COA1: variants seen among roughly 807,000 people sequenced by gnomAD.
COA1 encodes cytochrome c oxidase assembly factor 1 homolog.
Under a neutral mutation model 16.0 loss-of-function variants are expected in COA1, and 13 were observed. The observed-to-expected ratio is 0.81, with a 90% confidence interval of 0.53 to 1.29. The LOEUF (loss-of-function observed/expected upper bound fraction) is 1.29, where lower values mean the gene tolerates loss of function less well. COA1 is among the 50% of genes most tolerant of loss of function. COA1 has a pLI of 0.00. For missense variants in COA1, 179 were observed against 177.0 expected, an observed-to-expected ratio of 1.01 and a Z score of -0.06; for synonymous variants, 65 against 65.7, an observed-to-expected ratio of 0.99 and a Z score of 0.05.
exon 7 of COA1, chr7:43,608,579 A>T (rs1054099859): frequency 6.8e-6 from 4 of 591,694 alleles, no homozygotes; most frequent in African/African-American, 5.7e-5. Context: ...GATAATGCAC[A>T]CATGTGTACA....
chr7:43,698,132 A>G (rs745540095), intron 1 of COA1, among the ~76,000 whole-genome samples: 1 of 152,262 alleles, frequency 6.6e-6, no homozygotes, highest in Non-Finnish European at 1.5e-5. Context: ...GAAACATTAA[A>G]GCATAACCTA....
chr7:43,692,931 A>C (rs929256642), intron 1 of COA1, among the ~76,000 whole-genome samples: 1 of 152,116 alleles, frequency 6.6e-6, no homozygotes, highest in African/African-American at 2.4e-5. Flanking sequence ...GTAATGGCAT[A>C]TTATAATCAC....
intron 1 of COA1, among the ~76,000 whole-genome samples, chr7:43,690,296 C>G (rs1447511549): frequency 6.6e-6 from 1 of 152,092 alleles, no homozygotes. Flanking sequence ...AAGATACTTG[C>G]ACAAACATAG....
intron 5 of COA1, 137 bp from the exon 6 acceptor site, chr7:43,639,818 G>GT (rs1393771494): frequency 1.2e-5 from 7 of 606,050 alleles, no homozygotes; most frequent in Non-Finnish European, 2.0e-5. Context: ...TGCGAGTGCT[G>GT]TGTCAACACA....
chr7:43,660,710 T>C (rs2092336918), intron 1 of COA1, among the ~76,000 whole-genome samples: 1 of 152,110 alleles, frequency 6.6e-6, no homozygotes, highest in Non-Finnish European at 1.5e-5. Context: ...TTCCTAAATA[T>C]CTTTGGATAT....
chr7:43,715,006 TAAAAAAAAAAAAAAAAA>T (rs755827781), intron 1 of COA1, among the ~76,000 whole-genome samples: 2 of 95,778 alleles, frequency 2.1e-5, no homozygotes, highest in African/African-American at 4.2e-5. Flanking sequence ...GCCTCTTGTC[TAAAAAAAAAAAAAAAAA>T]AAAAAAAAAG....
At chr7:43,671,355 A>T (rs2093249706) in intron 1 of COA1, among the ~76,000 whole-genome samples, 1 of 152,208 alleles carries the variant, frequency 6.6e-6, no homozygotes, top group African/African-American at 2.4e-5. Context: ...GGAAAAAAAA[A>T]AAGCAAATCA....
At chr7:43,691,366 AGGGAGGGAGGG>A (rs1563383928) in intron 1 of COA1, among the ~76,000 whole-genome samples, 3,513 of 66,352 alleles carry the variant, frequency 0.053, 227 homozygotes, top group South Asian at 0.13. Flanking sequence ...GGAGGGAGGG[AGGGAGGGAGGG>A]AGGAAGGAAG....
chr7:43,719,265 GCCAAGAAGAGCTTCTTAAT>G (rs1160125527), intron 1 of COA1, among the ~76,000 whole-genome samples: 2 of 152,104 alleles, frequency 1.3e-5, no homozygotes, highest in East Asian at 3.9e-4. Flanking sequence ...ACCACACCTG[GCCAAGAAGAGCTTCTTAAT>G]AAATAAAACT....
intron 1 of COA1, among the ~76,000 whole-genome samples, chr7:43,656,493 C>A (rs180722163): frequency 6.6e-6 from 1 of 151,804 alleles, no homozygotes; most frequent in Admixed American, 6.6e-5. Flanking sequence ...GTCAAGAGAT[C>A]GAGACCATCC....
At chr7:43,701,958 TTA>T (rs2094763054) in intron 1 of COA1, among the ~76,000 whole-genome samples, 1 of 152,144 alleles carries the variant, frequency 6.6e-6, no homozygotes, top group Admixed American at 6.5e-5. Context: ...CTTAAGTTCC[TTA>T]TAGATTCTGG....
intron 1 of COA1, among the ~76,000 whole-genome samples, chr7:43,705,705 C>T (rs919209609): frequency 6.6e-6 from 1 of 152,232 alleles, no homozygotes; most frequent in African/African-American, 2.4e-5. Context: ...ACCCTCTGGG[C>T]TCCATGCAGG....
chr7:43,668,695 G>A (rs911959656), intron 1 of COA1, among the ~76,000 whole-genome samples: 19 of 152,180 alleles, frequency 1.2e-4, no homozygotes, highest in African/African-American at 3.9e-4. Context: ...TCAATATGCT[G>A]GTTCTGGGCA....
At position 43,699,387 on chromosome 7, in the gene COA1, G is replaced by A. The variant is rs558622977; in HGVS notation, c.-39+30042C>T. Among the ~76,000 whole-genome samples the A allele has an allele frequency of 8.5e-5, 13 of 152,222 alleles. 1 individual carries two copies. The South Asian group carries it at 2.1e-3, about 24-fold the overall frequency. ...TCTTATTCACTTTATTAATTACAGA[G>A]TTAATTATGTCTGTTTAAAGTGAAC... is the stretch of plus-strand genomic sequence containing the variant. On this transcript the variant is annotated intron_variant, in intron 1 of 5. Coordinates refer to ENST00000223336, the MANE Select transcript of COA1 (RefSeq NM_018224.4).
intron 4 of COA1, among the ~76,000 whole-genome samples, chr7:43,644,568 C>T (rs2088189841): frequency 6.6e-6 from 1 of 151,664 alleles, no homozygotes; most frequent in East Asian, 1.9e-4. Context: ...ACTCTGTCAC[C>T]CAGGATGGAG....
intron 2 of COA1, chr7:43,648,248 G>A (rs2089978893): frequency 5.1e-6 from 2 of 390,544 alleles, no homozygotes; most frequent in Non-Finnish European, 9.5e-6. Context: ...AATGTGATCT[G>A]GGAAAAGTCA....
chr7:43,623,955 C>CT (rs2084206559), intron 6 of COA1: 2 of 1,182,636 alleles, frequency 1.7e-6, no homozygotes, highest in South Asian at 2.9e-5. Context: ...TATTAAAAAA[C>CT]TGACAGTTTT....
At chr7:43,686,305 C>CTTTTTTT (rs770784003) in intron 1 of COA1, among the ~76,000 whole-genome samples, 4 of 126,108 alleles carry the variant, frequency 3.2e-5, no homozygotes, top group Non-Finnish European at 5.0e-5. Context: ...GGCTTTGTTT[C>CTTTTTTT]TTTTTTTTTT....
At chr7:43,685,411 C>A (rs892111597) in intron 1 of COA1, among the ~76,000 whole-genome samples, 1 of 152,174 alleles carries the variant, frequency 6.6e-6, no homozygotes, top group Non-Finnish European at 1.5e-5. Context: ...AACACAAGAT[C>A]TACATGCTTT....
Sources: allele counts gnomAD v4.1 joint callset (sites outside exome capture counted in the v4.1 genomes callset), GRCh38; gene constraint gnomAD v4.1.1; transcripts MANE v1.5; gene names NCBI Gene and HGNC (gene_info 2026-07-23, HGNC 2026-07-21).